The following PDE6G variants were observed in gnomAD, a reference collection of about 807,000 sequenced individuals.
PDE6G encodes phosphodiesterase 6G, also known as rod cGMP 3',5'-cyclic phosphodiesterase subunit gamma.
A neutral mutation model predicts 10.9 loss-of-function variants in PDE6G; 10 were observed. That is an observed-to-expected ratio of 0.91 (90% CI 0.56 to 1.55). The LOEUF is 1.55. Ranked by LOEUF, PDE6G falls within the 40% of genes most tolerant of loss-of-function variation. The pLI, the probability that PDE6G is intolerant of heterozygous loss-of-function variation, is 0.00. For missense variants in PDE6G, 102 were observed against 110.1 expected (o/e 0.93, Z 0.33); for synonymous variants, 41 against 42.8 (o/e 0.96, Z 0.16).
rs763877293 is a variant in PDE6G, at chr17:81,651,117, T to C, written c.221A>G (p.Asn74Ser). The change falls in exon 4 of 4, where the codon AAC becomes AGC. Residue 74 changes from asparagine to serine, a missense_variant. Transcript: ENST00000331056. This position sits in a 1 kb window ranked among gnomAD's most constrained non-coding sequence, Gnocchi z 4.8. Reference sequence around the variant, plus strand: ...GGCCAGCTCGTGCAGCTCCAGGTGGTTGAAGGCCTCCCAAGGGCAGATGAC... The same window carrying C: ...GGCCAGCTCGTGCAGCTCCAGGTGGCTGAAGGCCTCCCAAGGGCAGATGAC... ...ITVICPWEAF[N>S]HLELHELAQY... The C allele has an allele frequency of 1.9e-6, 3 of 1,613,738 alleles. No individual in the cohort carries two copies. Among genetic ancestry groups the C allele is most frequent in the South Asian group, 2.2e-5 (2 of 91,076 alleles).
intron 1 of PDE6G, among the ~76,000 whole-genome samples, chr17:81,661,737 G>A (rs1393090472): frequency 6.6e-6 from 1 of 151,756 alleles, no homozygotes; most frequent in Non-Finnish European, 1.5e-5. Context: ...GTGGGTGCCT[G>A]TAATCCCAGC....
chr17:81,660,204 G>A (rs192679589), upstream of PDE6G, among the ~76,000 whole-genome samples: 2 of 152,272 alleles, frequency 1.3e-5, no homozygotes, highest in South Asian at 2.1e-4. Flanking sequence ...CTGAGGCCAG[G>A]TGTTCGACAC....
Position 81,653,258 on chromosome 17 carries a change from C to T in PDE6G, c.48G>A (p.Val16=), listed in dbSNP as rs2036393159. ...PKAEFRSATR[V]AGGPVTPRKG... Reference sequence around the variant, plus strand: ...TCCTGGGGGTGACAGGTCCCCCGGCCACCCTGGTGGCTGACCGGAACTCAG... The same window carrying T: ...TCCTGGGGGTGACAGGTCCCCCGGCTACCCTGGTGGCTGACCGGAACTCAG... Residue 16 remains valine (V), a synonymous_variant, in exon 2 of 4, where the codon GTG becomes GTA. Transcript: ENST00000331056. The surrounding 1 kb of genome is among the most constrained non-coding windows in gnomAD (Gnocchi z 5.2). 14 of 1,614,120 alleles carry T rather than the reference C, an allele frequency of 8.7e-6. No individual in the cohort carries two copies. The highest frequency in any genetic ancestry group is 1.2e-5 in the Non-Finnish European group (14 of 1,180,010).
At chr17:81,656,433 C>A in intron 1 of PDE6G, 60 bp downstream of exon 1, 1 of 724,152 alleles carries the variant, frequency 1.4e-6, no homozygotes, top group Non-Finnish European at 2.5e-6. Flanking sequence ...GAGCAGACCC[C>A]CACTGACTCA....
At chr17:81,657,771 C>T (rs2036466068), upstream of PDE6G, among the ~76,000 whole-genome samples, 2 of 151,950 alleles carry the variant, frequency 1.3e-5, no homozygotes, top group Non-Finnish European at 2.9e-5. Flanking sequence ...ATCCCAGCTA[C>T]TTGGGAGGCT....
In PDE6G at chr17:81,653,076, A is replaced by G; in HGVS notation, c.146+84T>C. The G allele has an allele frequency of 6.9e-7, 1 of 1,440,662 alleles. No individual in the cohort carries two copies. Among genetic ancestry groups the G allele is most frequent in the Non-Finnish European group, 9.6e-7 (1 of 1,039,820 alleles). 89.2% of individuals were successfully genotyped at this position (1,440,662 alleles called of 1,614,324 possible). Reference sequence around the variant, plus strand: ...ACCACTCACCCAGTGAAGTGGCCCCAGGCTCTGCCCCGCCCTCCCCTTCCT... The same window carrying G: ...ACCACTCACCCAGTGAAGTGGCCCCGGGCTCTGCCCCGCCCTCCCCTTCCT... On this transcript the variant is annotated intron_variant, in intron 2 of 3. Coordinates refer to ENST00000331056, the MANE Select transcript of PDE6G (RefSeq NM_002602.4). This position sits in a 1 kb window ranked among gnomAD's most constrained non-coding sequence, Gnocchi z 5.2.
rs1478986006 is a variant in PDE6G at position 81,656,504 on chromosome 17, C to T, written c.-71G>A. ...TGGCCACTACTCACCAAGTGCAGGG[C>T]GGGTCTCAGGGGGCTGTGCTGTGAG... On this transcript the variant is annotated 5_prime_UTR_variant, in exon 1 of 4. Coordinates refer to ENST00000331056, the MANE Select transcript of PDE6G (RefSeq NM_002602.4). The T allele has an allele frequency of 6.5e-6, 5 of 763,486 alleles. No homozygotes were observed. Among genetic ancestry groups the T allele is most frequent in the East Asian group, 2.4e-5 (1 of 41,190 alleles). 47.3% of individuals were successfully genotyped at this position (763,486 alleles called of 1,614,324 possible).
rs985746764 is a variant in PDE6G, at chr17:81,651,957, C to G, written c.147-272G>C. 6.6e-6 allele frequency among the ~76,000 whole-genome samples: 1 copy of G among 152,146 alleles called. No individual in the cohort carries two copies. Among genetic ancestry groups the G allele is most frequent in the Non-Finnish European group, 1.5e-5 (1 of 68,012 alleles). On this transcript the variant is annotated intron_variant, in intron 2 of 3. Coordinates refer to ENST00000331056, the MANE Select transcript of PDE6G (RefSeq NM_002602.4). The surrounding 1 kb of genome is among the most constrained non-coding windows in gnomAD (Gnocchi z 4.8). ...CCAGGATGCTGGGCAGGTGCGTGCC[C>G]TGGGGGAGTACGGGGGGGTGCGTGG...
chr17:81,658,908 T>C (rs185934905), upstream of PDE6G, among the ~76,000 whole-genome samples: 18 of 152,236 alleles, frequency 1.2e-4, no homozygotes, highest in African/African-American at 4.3e-4. Context: ...TTTGGTATCA[T>C]GTATCACAGA....
Position 81,662,861 on chromosome 17 carries a change from T to A in PDE6G, c.-60+198A>T, listed in dbSNP as rs1017511515. Among the ~76,000 whole-genome samples the A allele has an allele frequency of 4.6e-5, 7 of 150,950 alleles. No individual in the cohort carries two copies. The South Asian group carries it at 6.3e-4, about 14-fold the overall frequency. On this transcript the variant is annotated intron_variant, in intron 1 of 3. Transcript: ENST00000571224. Reference sequence around the variant, plus strand: ...AAAAATACAAAAAATTAGCTGGATGTGGTGGCACGCGCCTGTAGTCCCAGC... The same window carrying A: ...AAAAATACAAAAAATTAGCTGGATGAGGTGGCACGCGCCTGTAGTCCCAGC...
chr17:81,658,565 G>T (rs968592485), upstream of PDE6G, among the ~76,000 whole-genome samples: 1 of 151,846 alleles, frequency 6.6e-6, no homozygotes, highest in Non-Finnish European at 1.5e-5. Context: ...ACCTGGACGG[G>T]CATGGTGGCT....
chr17:81,659,904 T>C (rs567751553), upstream of PDE6G, among the ~76,000 whole-genome samples: 70 of 152,100 alleles, frequency 4.6e-4, no homozygotes, highest in Non-Finnish European at 8.7e-4. Flanking sequence ...CTGACCAACA[T>C]GGAGAAGACC....
chr17:81,659,442 T>TA (rs1264842742), upstream of PDE6G, among the ~76,000 whole-genome samples: 5 of 151,152 alleles, frequency 3.3e-5, no homozygotes, highest in African/African-American at 9.7e-5. Flanking sequence ...CTACTAAAAC[T>TA]AAAAAAATTA....
chr17:81,651,301 A>G lies in PDE6G; in HGVS notation c.188-151T>C, dbSNP rs2036350297. ...GCTGGAGTGGGGCCCTCCTCTGGGG[A>G]CACACTGGCTGTGGGGGAAGGAGGG... On this transcript the variant is annotated intron_variant, in intron 3 of 3. Coordinates refer to ENST00000331056, the MANE Select transcript of PDE6G (RefSeq NM_002602.4). This position sits in a 1 kb window ranked among gnomAD's most constrained non-coding sequence, Gnocchi z 4.8. 7 of 685,482 alleles carry G rather than the reference A, an allele frequency of 1.0e-5. No individual in the cohort carries two copies. The Admixed American group carries it at 1.2e-4, about 12-fold the overall frequency. 42.5% of individuals were successfully genotyped at this position (685,482 alleles called of 1,614,324 possible).
intron 1 of PDE6G, among the ~76,000 whole-genome samples, chr17:81,655,594 C>T (rs1457733266): frequency 6.6e-6 from 1 of 152,264 alleles, no homozygotes; most frequent in African/African-American, 2.4e-5. Context: ...TTCAGCTTCC[C>T]CTAAGCCTAT....
upstream of PDE6G, among the ~76,000 whole-genome samples, chr17:81,657,555 T>A (rs1290678595): frequency 6.6e-6 from 1 of 152,208 alleles, no homozygotes; most frequent in Non-Finnish European, 1.5e-5. Flanking sequence ...ATTTATGACT[T>A]GCCTGTGACC....
upstream of PDE6G, among the ~76,000 whole-genome samples, chr17:81,658,205 C>T (rs973924884): frequency 3.2e-4 from 49 of 151,922 alleles, no homozygotes; most frequent in South Asian, 4.2e-4. Flanking sequence ...CTGCCTCGGC[C>T]TCCTGAGTAG....
Position 81,651,720 on chromosome 17 carries a change from C to G in PDE6G, c.147-35G>C. The G allele has an allele frequency of 1.2e-6, 2 of 1,611,372 alleles. No individual in the cohort carries two copies. The highest frequency in any genetic ancestry group is 1.7e-6 in the Non-Finnish European group (2 of 1,178,208). ...CAGAGCACTCAGGGACATGGCCGGGCCCAGTCCTGGCTCAGTCAGCCTGAG... is the reference window on the plus strand; with the variant it reads ...CAGAGCACTCAGGGACATGGCCGGGGCCAGTCCTGGCTCAGTCAGCCTGAG... On this transcript the variant is annotated intron_variant, in intron 2 of 3. Transcript: ENST00000331056. This position sits in a 1 kb window ranked among gnomAD's most constrained non-coding sequence, Gnocchi z 4.8.
At chr17:81,662,156 A>G (rs2036518110) in intron 1 of PDE6G, among the ~76,000 whole-genome samples, 1 of 152,108 alleles carries the variant, frequency 6.6e-6, no homozygotes. Flanking sequence ...GTCTCCCTAA[A>G]AAGTATAAAA....
Sources: allele counts gnomAD v4.1 joint callset (sites outside exome capture counted in the v4.1 genomes callset), GRCh38; gene constraint gnomAD v4.1.1; non-coding constraint Gnocchi (gnomAD v3.1); transcripts MANE v1.5; gene names NCBI Gene and HGNC (gene_info 2026-07-23, HGNC 2026-07-21).